The following SRGAP3 variants were observed in gnomAD, a reference collection of about 807,000 sequenced individuals.
SRGAP3 encodes the protein SLIT-ROBO Rho GTPase activating protein 3.
A neutral mutation model predicts 121.1 loss-of-function variants in SRGAP3; 39 were observed. That is an observed-to-expected ratio of 0.32 (90% CI 0.25 to 0.42). The LOEUF (loss-of-function observed/expected upper bound fraction) is 0.42, where lower values mean the gene tolerates loss of function less well. SRGAP3 is among the 10% of genes least tolerant of loss of function. SRGAP3 has a pLI of 1.00. For missense variants in SRGAP3, 1,213 were observed against 1,470.6 expected (o/e 0.82, Z 2.86); for synonymous variants, 601 against 570.0 (o/e 1.05, Z -0.77).
chr3:9,228,421 C>T (rs1157499866), intron 1 of SRGAP3, among the ~76,000 whole-genome samples: 1 of 152,202 alleles, frequency 6.6e-6, no homozygotes, highest in Admixed American at 6.5e-5. Flanking sequence ...CACAGCCAGA[C>T]CACTTCCTGC....
rs377285381 is a variant in SRGAP3, at chr3:9,360,899, A to G, written n.214+1941T>C. Among the ~76,000 whole-genome samples, 17 of 152,322 alleles carry G rather than the reference A, an allele frequency of 1.1e-4. No individual in the cohort carries two copies. The East Asian group carries it at 2.9e-3, about 26-fold the overall frequency. On this transcript the variant is annotated intron_variant and non_coding_transcript_variant, in intron 1 of 3. Coordinates refer to the SRGAP3 transcript ENST00000490889. ...TATATCATTTTGTATTTTCATCAGC[A>G]ATGTATAAGTGCTCCATTGCCCCAC...
chr3:9,056,405 C>T, intron 7 of SRGAP3, 71 bp from the exon 8 acceptor site: 1 of 1,479,968 alleles, frequency 6.8e-7, no homozygotes, highest in Non-Finnish European at 9.3e-7. Context: ...AGGGCAGGGG[C>T]TACCATTAAC....
At chr3:9,274,130 C>T (rs755321438) in intron 3 of SRGAP3, among the ~76,000 whole-genome samples, 3 of 152,216 alleles carry the variant, frequency 2.0e-5, no homozygotes, top group Non-Finnish European at 4.4e-5. Flanking sequence ...CAGTACCTGG[C>T]ATCATGTCTG....
chr3:9,076,296 A>C (rs931413291), intron 4 of SRGAP3, among the ~76,000 whole-genome samples: 7 of 152,170 alleles, frequency 4.6e-5, no homozygotes, highest in Non-Finnish European at 8.8e-5. Context: ...AAAGGCTTTA[A>C]ATAAGTCACT....
At chr3:9,202,079 G>A (rs1952085755) in intron 1 of SRGAP3, among the ~76,000 whole-genome samples, 1 of 151,162 alleles carries the variant, frequency 6.6e-6, no homozygotes, top group African/African-American at 2.4e-5. Context: ...AAGGGAGGCG[G>A]GGGAAGGGTT....
intron 11 of SRGAP3, chr3:9,037,627 A>G (rs1944815042): frequency 4.1e-6 from 1 of 242,482 alleles, no homozygotes; most frequent in African/African-American, 2.3e-5. Flanking sequence ...CCTGGCCCAA[A>G]GCCTTGGTAC....
intron 10 of SRGAP3, among the ~76,000 whole-genome samples, chr3:9,039,719 T>C (rs983932154): frequency 2.0e-5 from 3 of 152,352 alleles, no homozygotes; most frequent in African/African-American, 7.2e-5. Flanking sequence ...ACATTTTATA[T>C]AGATGGAATT....
chr3:9,320,430 G>A (rs1955420578), intron 3 of SRGAP3, among the ~76,000 whole-genome samples: 1 of 151,790 alleles, frequency 6.6e-6, no homozygotes, highest in Admixed American at 6.5e-5. Context: ...GCTGGTTCTT[G>A]TGATAGTGAG....
At chr3:9,299,359 C>CAAAAAA (rs35608018) in intron 3 of SRGAP3, among the ~76,000 whole-genome samples, 2 of 91,244 alleles carry the variant, frequency 2.2e-5, no homozygotes, top group African/African-American at 4.5e-5. Flanking sequence ...GACTCCGTCC[C>CAAAAAA]AAAAAAAAAA....
At chr3:9,112,756 T>C (rs1948676010) in intron 2 of SRGAP3, among the ~76,000 whole-genome samples, 1 of 152,220 alleles carries the variant, frequency 6.6e-6, no homozygotes, top group Non-Finnish European at 1.5e-5. Context: ...TATGTCATTG[T>C]CATTACAGCA....
intron 14 of SRGAP3, 142 bp from the exon 15 acceptor site, chr3:9,015,873 C>T (rs948864095): frequency 4.6e-6 from 4 of 867,376 alleles, no homozygotes; most frequent in South Asian, 1.5e-5. Context: ...TGAGGCCCCC[C>T]ACTTCAGCAA....
At chr3:9,287,916 T>C (rs1954803189) in intron 3 of SRGAP3, among the ~76,000 whole-genome samples, 1 of 152,244 alleles carries the variant, frequency 6.6e-6, no homozygotes, top group South Asian at 2.1e-4. Context: ...ATTTGTGATG[T>C]ATGTAGGTGT....
At chr3:9,298,590 C>T (rs1028377995) in intron 3 of SRGAP3, among the ~76,000 whole-genome samples, 2 of 152,130 alleles carry the variant, frequency 1.3e-5, no homozygotes, top group African/African-American at 4.8e-5. Flanking sequence ...ATCTTGTAAC[C>T]ATTTGACCAG....
intron 2 of SRGAP3, among the ~76,000 whole-genome samples, chr3:9,110,800 G>A (rs549692055): frequency 6.6e-6 from 1 of 152,376 alleles, no homozygotes; most frequent in Admixed American, 6.5e-5. Context: ...TCTGTAGAAA[G>A]CTAGCATGTG....
At chr3:9,298,372 T>G (rs968917489) in intron 3 of SRGAP3, among the ~76,000 whole-genome samples, 2 of 152,324 alleles carry the variant, frequency 1.3e-5, no homozygotes, top group Admixed American at 6.5e-5. Flanking sequence ...CTAACTCAAC[T>G]AGAATTATCC....
At position 9,182,747 on chromosome 3, in the gene SRGAP3, G is replaced by C. The variant is rs548330244; in HGVS notation, c.68-57830C>G. 5.3e-5 allele frequency among the ~76,000 whole-genome samples: 8 copies of C among 152,120 alleles called. No individual in the cohort carries two copies. The South Asian group carries it at 1.7e-3, about 32-fold the overall frequency. On this transcript the variant is annotated intron_variant, in intron 1 of 21. Coordinates refer to ENST00000383836, the MANE Select transcript of SRGAP3 (RefSeq NM_014850.4). ...CAGCTCACTGCAGCCGTGAACTCTT[G>C]GGCTCAAGTGATGCTCCTGCCTCAG...
At chr3:9,158,081 C>T (rs1950480907) in intron 1 of SRGAP3, among the ~76,000 whole-genome samples, 3 of 152,196 alleles carry the variant, frequency 2.0e-5, no homozygotes, top group Admixed American at 2.0e-4. Flanking sequence ...TCAGGACAAC[C>T]CCAAGGCTGT....
chr3:9,045,652 A>G (rs1358439967), intron 10 of SRGAP3, among the ~76,000 whole-genome samples: 1 of 152,160 alleles, frequency 6.6e-6, no homozygotes, highest in South Asian at 2.1e-4. Context: ...CCGCAGGAAG[A>G]CAAAGCAAAG....
At chr3:9,186,575 G>A (rs543235033) in intron 1 of SRGAP3, among the ~76,000 whole-genome samples, 3 of 152,164 alleles carry the variant, frequency 2.0e-5, no homozygotes, top group African/African-American at 7.2e-5. Context: ...CACCAGTGAA[G>A]TATTACTTCG....
Sources: gnomAD v4.1 joint callset for allele counts (sites outside exome capture counted in the v4.1 genomes callset) on GRCh38, gnomAD v4.1.1 for gene constraint, MANE v1.5 for transcripts, NCBI Gene and HGNC (gene_info 2026-07-23, HGNC 2026-07-21) for gene names.